The following FREM1 variants were observed in gnomAD, a reference collection of about 807,000 sequenced individuals.
FREM1 encodes the protein FRAS1-related extracellular matrix protein 1.
FREM1 carries 220 observed loss-of-function variants against 210.1 expected under a neutral mutation model. The ratio of observed to expected loss-of-function variants is 1.05; its 90% CI spans 0.94 to 1.17. The LOEUF is 1.17. Ranked by LOEUF, FREM1 falls within the 50% of genes most tolerant of loss-of-function variation. FREM1 has a pLI of 0.00. For missense variants in FREM1, 3,454 were observed against 2,675.5 expected, an observed-to-expected ratio of 1.29 and a Z score of -6.42; for synonymous variants, 1,189 against 980.2, an observed-to-expected ratio of 1.21 and a Z score of -3.98.
chr9:14,813,693 C>T (rs574303277), intron 15 of FREM1, among the ~76,000 whole-genome samples: 4 of 152,204 alleles, frequency 2.6e-5, no homozygotes, highest in Admixed American at 2.6e-4. Context: ...GAAAGAAAAG[C>T]GACATGGGAT....
chr9:14,791,376 C>T (rs1851284579), intron 22 of FREM1, among the ~76,000 whole-genome samples: 1 of 152,184 alleles, frequency 6.6e-6, no homozygotes, highest in South Asian at 2.1e-4. Flanking sequence ...TATTTGCTTT[C>T]CATTAAAGCA....
chr9:14,776,577 A>G (rs1848613848), intron 24 of FREM1, among the ~76,000 whole-genome samples: 1 of 152,168 alleles, frequency 6.6e-6, no homozygotes, highest in Non-Finnish European at 1.5e-5. Flanking sequence ...CCCTTTATTT[A>G]TTTATAATTT....
intron 10 of FREM1, among the ~76,000 whole-genome samples, chr9:14,825,220 G>C (rs1298680164): frequency 6.6e-6 from 1 of 151,852 alleles, no homozygotes. Context: ...AGGTGCAGGG[G>C]GTCACCCCTG....
intron 27 of FREM1, among the ~76,000 whole-genome samples, chr9:14,760,846 G>A (rs1379420981): frequency 6.6e-6 from 1 of 152,074 alleles, no homozygotes; most frequent in Non-Finnish European, 1.5e-5. Flanking sequence ...TTTCCTTTTT[G>A]AGGTCTTGCC....
chr9:14,899,991 T>C (rs928622160), intron 1 of FREM1, among the ~76,000 whole-genome samples: 1 of 152,206 alleles, frequency 6.6e-6, no homozygotes, highest in Non-Finnish European at 1.5e-5. Context: ...ACGGTGTTCC[T>C]GGAGTTGTGC....
intron 17 of FREM1, 29 bp from the exon 18 acceptor site, chr9:14,806,875 C>T (rs1423283159): frequency 6.8e-7 from 1 of 1,465,440 alleles, no homozygotes; most frequent in South Asian, 1.3e-5. Flanking sequence ...ACAATTACAA[C>T]TTAGCATGAA....
intron 7 of FREM1, among the ~76,000 whole-genome samples, chr9:14,846,985 G>T (rs1475950647): frequency 1.3e-5 from 2 of 152,194 alleles, no homozygotes; most frequent in Non-Finnish European, 2.9e-5. Context: ...CAACCTTGTG[G>T]CTGATCAGGC....
chr9:14,885,271 A>G (rs903350321), intron 1 of FREM1, among the ~76,000 whole-genome samples: 1 of 152,090 alleles, frequency 6.6e-6, no homozygotes, highest in South Asian at 2.1e-4. Flanking sequence ...AGTTATCACC[A>G]TTTGACTAAA....
intron 27 of FREM1, among the ~76,000 whole-genome samples, chr9:14,764,146 T>TAAAG (rs1390616164): frequency 7.2e-5 from 11 of 152,012 alleles, no homozygotes; most frequent in Non-Finnish European, 1.2e-4. Flanking sequence ...TTACGAGGGG[T>TAAAG]TTCCCTTTTC....
Position 14,836,564 on chromosome 9 carries a change from T to C in FREM1, c.1881+4883A>G, listed in dbSNP as rs1178685968. Among the ~76,000 whole-genome samples, 1 of 152,222 alleles carries C rather than the reference T, an allele frequency of 6.6e-6. No individual in the cohort carries two copies. The highest frequency in any genetic ancestry group is 1.5e-5 in the Non-Finnish European group (1 of 68,024). ...AATCCCTCTTTAATAAATTCCAGTCTTCTTTCTGGAATTGGTTAACCCCTT... is the reference window on the plus strand; with the variant it reads ...AATCCCTCTTTAATAAATTCCAGTCCTCTTTCTGGAATTGGTTAACCCCTT... On this transcript the variant is annotated intron_variant, in intron 10 of 36. Coordinates refer to ENST00000380880, the MANE Select transcript of FREM1 (RefSeq NM_001379081.2). This position sits in a 1 kb window ranked among gnomAD's most constrained non-coding sequence, Gnocchi z 4.9.
At chr9:14,862,914 T>A (rs945753274) in intron 3 of FREM1, among the ~76,000 whole-genome samples, 1 of 152,250 alleles carries the variant, frequency 6.6e-6, no homozygotes, top group Non-Finnish European at 1.5e-5. Flanking sequence ...TTGGCTGTTA[T>A]GAATAATGTT....
At chr9:14,897,609 G>A (rs1211695061) in intron 1 of FREM1, among the ~76,000 whole-genome samples, 1 of 147,344 alleles carries the variant, frequency 6.8e-6, no homozygotes, top group Non-Finnish European at 1.5e-5. Context: ...TTTTTTTTAA[G>A]AGACGGAGTC....
At chr9:14,868,719 A>C in intron 2 of FREM1, 25 bp downstream of exon 2, 1 of 1,453,236 alleles carries the variant, frequency 6.9e-7, no homozygotes, top group Non-Finnish European at 9.6e-7. Context: ...ACACGACTGA[A>C]CAGAAAATCG....
chr9:14,771,859 G>T (rs1847625270), intron 25 of FREM1, among the ~76,000 whole-genome samples: 1 of 152,004 alleles, frequency 6.6e-6, no homozygotes, highest in African/African-American at 2.4e-5. Flanking sequence ...CCACAATTTT[G>T]TGTTAACTGA....
intron 15 of FREM1, among the ~76,000 whole-genome samples, chr9:14,814,710 G>T (rs1167103356): frequency 1.3e-5 from 2 of 152,062 alleles, no homozygotes; most frequent in African/African-American, 2.4e-5. Context: ...CCATCTTGCA[G>T]CCGTTCACAA....
At chr9:14,861,082 TATACACATATATATAA>T (rs1830260437) in intron 3 of FREM1, among the ~76,000 whole-genome samples, 1 of 114,856 alleles carries the variant, frequency 8.7e-6, no homozygotes, top group African/African-American at 3.9e-5. Context: ...TATATACATA[TATACACATATATATAA>T]ACATATATAC....
At chr9:14,884,915 C>CTTTTTTTTT (rs745465527) in intron 1 of FREM1, among the ~76,000 whole-genome samples, 1 of 70,406 alleles carries the variant, frequency 1.4e-5, no homozygotes, top group Non-Finnish European at 2.6e-5. Flanking sequence ...TTCATCATAG[C>CTTTTTTTTT]TTTTTTTTTT....
intron 5 of FREM1, among the ~76,000 whole-genome samples, chr9:14,855,133 G>C (rs1030706921): frequency 6.6e-6 from 1 of 151,400 alleles, no homozygotes; most frequent in Non-Finnish European, 1.5e-5. Flanking sequence ...GAAGTGATAA[G>C]GAAGAACCTG....
At chr9:14,739,360 T>C (rs1053873691) in intron 36 of FREM1, among the ~76,000 whole-genome samples, 1 of 151,114 alleles carries the variant, frequency 6.6e-6, no homozygotes, top group African/African-American at 2.4e-5. Context: ...AGCCTTGGTC[T>C]CTCAAAGTCC....
Sources: allele counts gnomAD v4.1 joint callset (sites outside exome capture counted in the v4.1 genomes callset), GRCh38; gene constraint gnomAD v4.1.1; non-coding constraint Gnocchi (gnomAD v3.1); transcripts MANE v1.5; gene names NCBI Gene and HGNC (gene_info 2026-07-23, HGNC 2026-07-21).